Variants in UST observed in about 807,000 individuals in gnomAD.
UST encodes chondroitin sulfate 2-O-sulfotransferase.
A neutral mutation model predicts 45.6 loss-of-function variants in UST; 21 were observed. The ratio of observed to expected loss-of-function variants is 0.46; its 90% CI spans 0.33 to 0.66. The LOEUF is 0.66. Among genes scored for constraint, UST ranks in the 30% least tolerant of loss-of-function variants. The pLI, the probability that UST is intolerant of heterozygous loss-of-function variation, is 0.02. For missense variants in UST, 463 were observed against 512.4 expected (o/e 0.90, Z 0.93); for synonymous variants, 215 against 200.6 (o/e 1.07, Z -0.61).
chr6:148,890,087 T>C (rs1778985762), intron 2 of UST, among the ~76,000 whole-genome samples: 2 of 152,242 alleles, frequency 1.3e-5, no homozygotes, highest in African/African-American at 4.8e-5. Context: ...AAGCTTTCAC[T>C]ATAACTGTAT....
intron 1 of UST, among the ~76,000 whole-genome samples, chr6:148,797,603 C>T (rs940509643): frequency 1.3e-5 from 2 of 152,122 alleles, no homozygotes; most frequent in African/African-American, 4.8e-5. Flanking sequence ...GTTCAGAGTA[C>T]ACAGTGATAA....
chr6:149,067,197 G>T (rs968625788), intron 7 of UST, among the ~76,000 whole-genome samples: 4 of 152,320 alleles, frequency 2.6e-5, no homozygotes. Flanking sequence ...AGCTCTGAGT[G>T]TGGTGTTTAA....
intron 7 of UST, among the ~76,000 whole-genome samples, chr6:149,045,676 C>G (rs2115033742): frequency 6.6e-6 from 1 of 152,298 alleles, no homozygotes; most frequent in East Asian, 1.9e-4. Context: ...CAGAACATCT[C>G]TCTCCTGCAG....
At chr6:148,795,605 A>G (rs1776934306) in intron 1 of UST, among the ~76,000 whole-genome samples, 1 of 152,188 alleles carries the variant, frequency 6.6e-6, no homozygotes, top group Non-Finnish European at 1.5e-5. Flanking sequence ...ACTTTTAAAA[A>G]AACCCAACTA....
chr6:149,025,173 C>T (rs1421621555), intron 7 of UST, among the ~76,000 whole-genome samples: 1 of 152,182 alleles, frequency 6.6e-6, no homozygotes, highest in East Asian at 1.9e-4. Context: ...GTCCCAATAA[C>T]TCACCATTTA....
chr6:149,072,650 T>C (rs1383913455), intron 7 of UST, among the ~76,000 whole-genome samples: 1 of 80,238 alleles, frequency 1.2e-5, no homozygotes, highest in Non-Finnish European at 2.6e-5. Flanking sequence ...CAAAACTCCA[T>C]CTCAAAAAAA....
intron 2 of UST, among the ~76,000 whole-genome samples, chr6:148,924,016 A>T (rs1779766306): frequency 6.6e-6 from 1 of 152,150 alleles, no homozygotes. Context: ...AATGAGCTTT[A>T]TAAAGCAGCT....
intron 1 of UST, among the ~76,000 whole-genome samples, chr6:148,782,361 G>A (rs1457236431): frequency 1.3e-5 from 2 of 152,176 alleles, no homozygotes; most frequent in Admixed American, 6.5e-5. Flanking sequence ...TGGAAATAGC[G>A]AGAGAACTAA....
intron 2 of UST, among the ~76,000 whole-genome samples, chr6:148,918,342 G>A (rs920752242): frequency 3.9e-5 from 6 of 152,140 alleles, no homozygotes; most frequent in African/African-American, 7.2e-5. Context: ...TCTTACATAC[G>A]TAATCAAAAT....
At chr6:148,871,664 C>T (rs1460610103) in intron 1 of UST, among the ~76,000 whole-genome samples, 4 of 152,216 alleles carry the variant, frequency 2.6e-5, no homozygotes, top group African/African-American at 9.7e-5. Flanking sequence ...ACATGCAGGA[C>T]ACTTGGAGTA....
chr6:149,027,750 C>G (rs1776069571), intron 7 of UST: 1 of 151,900 alleles, frequency 6.6e-6, no homozygotes, highest in Non-Finnish European at 1.5e-5. Context: ...CAATTTCCAT[C>G]CCTCTCTCTT....
At chr6:148,812,874 C>T (rs1006183079) in intron 1 of UST, among the ~76,000 whole-genome samples, 6 of 152,134 alleles carry the variant, frequency 3.9e-5, no homozygotes, top group African/African-American at 7.2e-5. Flanking sequence ...ACTGACAGGT[C>T]GTCTTCGAGC....
intron 1 of UST, among the ~76,000 whole-genome samples, chr6:148,756,105 T>G (rs1357909845): frequency 6.8e-6 from 1 of 146,908 alleles, no homozygotes; most frequent in African/African-American, 2.5e-5. Context: ...GAACATGCGG[T>G]GTTTGGTTTT....
chr6:148,965,796 G>T (rs900048637), intron 5 of UST, among the ~76,000 whole-genome samples: 1 of 151,688 alleles, frequency 6.6e-6, no homozygotes, highest in African/African-American at 2.4e-5. Context: ...ACTACCTAAG[G>T]CTTCAGTGAA....
Position 148,981,392 on chromosome 6 carries a change from A to G in UST, c.681+16829A>G, listed in dbSNP as rs577648752. Among the ~76,000 whole-genome samples the G allele has an allele frequency of 1.2e-3, 177 of 152,354 alleles. 1 individual carries two copies. Among genetic ancestry groups the G allele is most frequent in the African/African-American group, 4.2e-3 (176 of 41,594 alleles). On this transcript the variant is annotated intron_variant, in intron 5 of 7. Transcript: ENST00000367463. ...GGCTTCAGAAACCTTGTTCTTAACC[A>G]CTATGCCAAACTGCTTCTTTTTGTC...
chr6:148,949,446 A>G (rs1178165699), intron 3 of UST, among the ~76,000 whole-genome samples: 2 of 147,714 alleles, frequency 1.4e-5, no homozygotes, highest in Non-Finnish European at 3.0e-5. Context: ...TTACTTATTC[A>G]TGGGGTTCTT....
At chr6:149,065,045 C>T (rs1203763620) in intron 7 of UST, among the ~76,000 whole-genome samples, 2 of 152,132 alleles carry the variant, frequency 1.3e-5, no homozygotes, top group Non-Finnish European at 2.9e-5. Flanking sequence ...GACATGAGCC[C>T]CTTGAAGTTA....
At chr6:148,967,047 GT>G (rs978265227) in intron 5 of UST, among the ~76,000 whole-genome samples, 4 of 152,250 alleles carry the variant, frequency 2.6e-5, no homozygotes, top group African/African-American at 9.6e-5. Context: ...CTGGTTTGGA[GT>G]TTTTTTAAAA....
intron 1 of UST, among the ~76,000 whole-genome samples, chr6:148,830,795 G>T: frequency 6.6e-6 from 1 of 151,980 alleles, no homozygotes; most frequent in East Asian, 1.9e-4. Flanking sequence ...GGTTGCCAGA[G>T]ACAGGGGGGA....
Sources: gnomAD v4.1 joint callset for allele counts (sites outside exome capture counted in the v4.1 genomes callset) on GRCh38, gnomAD v4.1.1 for gene constraint, MANE v1.5 for transcripts, NCBI Gene and HGNC (gene_info 2026-07-23, HGNC 2026-07-21) for gene names.